Variants in DAAM1 observed in about 807,000 individuals in gnomAD.
The protein encoded by DAAM1 is dishevelled associated activator of morphogenesis 1.
In DAAM1, 52 loss-of-function variants were observed where a neutral mutation model predicts 130.0. The observed-to-expected ratio is 0.40, with a 90% CI of 0.32 to 0.50. The LOEUF (loss-of-function observed/expected upper bound fraction) is 0.50. DAAM1 is among the 20% of genes least tolerant of loss of function. DAAM1 has a pLI of 0.61. For missense variants in DAAM1, 1,134 were observed against 1,303.8 expected (o/e 0.87, Z 2.01); for synonymous variants, 452 against 444.5 (o/e 1.02, Z -0.21).
intron 2 of DAAM1, among the ~76,000 whole-genome samples, chr14:59,279,744 T>C (rs1057174644): frequency 4.6e-5 from 7 of 152,130 alleles, no homozygotes; most frequent in African/African-American, 1.7e-4. Context: ...AAATTAGACT[T>C]CATTAAAATT....
intron 15 of DAAM1, 49 bp downstream of exon 15, chr14:59,331,969 T>A: frequency 2.0e-6 from 3 of 1,495,724 alleles, no homozygotes; most frequent in Non-Finnish European, 2.8e-6. Context: ...AAATCATGTC[T>A]TATGCATGAT....
At chr14:59,202,633 G>C (rs1888141658) in intron 1 of DAAM1, among the ~76,000 whole-genome samples, 1 of 152,202 alleles carries the variant, frequency 6.6e-6, no homozygotes, top group South Asian at 2.1e-4. Context: ...CTTAAGTAAA[G>C]CTCAGATTAT....
chr14:59,273,204 C>T (rs73295988), intron 2 of DAAM1, among the ~76,000 whole-genome samples: 74 of 152,274 alleles, frequency 4.9e-4, no homozygotes, highest in African/African-American at 1.8e-3. Context: ...ACCATAAAAC[C>T]ATTTTGTTCC....
intron 1 of DAAM1, among the ~76,000 whole-genome samples, chr14:59,197,556 G>A (rs931161500): frequency 7.9e-5 from 12 of 152,210 alleles, no homozygotes; most frequent in Non-Finnish European, 1.5e-4. Flanking sequence ...CCCATTTAGG[G>A]CTTGAGATTC....
chr14:59,246,036 G>A (rs1881353107), intron 1 of DAAM1, among the ~76,000 whole-genome samples: 1 of 152,196 alleles, frequency 6.6e-6, no homozygotes, highest in Non-Finnish European at 1.5e-5. Context: ...TGCATTGAAA[G>A]TGCCTAGCAT....
intron 1 of DAAM1, among the ~76,000 whole-genome samples, chr14:59,253,936 C>A (rs1881757290): frequency 6.6e-6 from 1 of 152,236 alleles, no homozygotes; most frequent in Admixed American, 6.5e-5. Context: ...AACTTCGCAT[C>A]TCTCAAAATT....
rs367695369 is a variant in DAAM1 at position 59,262,701 on chromosome 14, A to G, written c.-37-740A>G. 5.8e-3 allele frequency among the ~76,000 whole-genome samples: 662 copies of G among 113,436 alleles called. 4 individuals are homozygous for G. Among genetic ancestry groups the G allele is most frequent in the Non-Finnish European group, 0.01 (539 of 51,788 alleles). The allele number at this position is 113,436 out of a possible 152,430, so 74.4% of individuals were successfully genotyped here. A position where few individuals can be genotyped will look rare whatever the true frequency, so the allele number is the denominator to read the frequency against. On this transcript the variant is annotated intron_variant, in intron 1 of 24. Transcript: ENST00000360909. The stretch of plus-strand genomic sequence containing the variant: ...GTGTGTGTGTGTGTGTGTGTGTGTA[A>G]TTTAACCATTTCCTTTCCTTGCTGG...
At chr14:59,212,309 G>GT (rs1409584599) in intron 1 of DAAM1, among the ~76,000 whole-genome samples, 3 of 151,950 alleles carry the variant, frequency 2.0e-5, no homozygotes, top group Non-Finnish European at 4.4e-5. Flanking sequence ...TTGTTTGTTT[G>GT]TTTTTTTAAA....
At chr14:59,352,399 G>A (rs1478492844) in intron 17 of DAAM1, 127 bp from the exon 18 acceptor site, 2 of 651,834 alleles carry the variant, frequency 3.1e-6, no homozygotes, top group South Asian at 2.4e-5. Context: ...CTTAACCTGT[G>A]AGCAGAGCTT....
At chr14:59,287,470 A>C (rs995757203) in intron 2 of DAAM1, among the ~76,000 whole-genome samples, 7 of 152,192 alleles carry the variant, frequency 4.6e-5, no homozygotes, top group African/African-American at 1.7e-4. Context: ...AAGGCTTCAA[A>C]ATAAGAGAGG....
In DAAM1 at chr14:59,344,968, C is replaced by A. The variant is rs11623673; in HGVS notation, c.2076-2571C>A. The stretch of plus-strand genomic sequence containing the variant: ...CAGAACTAATTTTTTTTTTTTCTTA[C>A]AAGCAGAGCTCTCCTCATGATTATA... On this transcript the variant is annotated intron_variant, in intron 16 of 24. Transcript: ENST00000360909. 6.4e-3 allele frequency among the ~76,000 whole-genome samples: 961 copies of A among 151,070 alleles called. 12 individuals carry two copies. The highest frequency in any genetic ancestry group is 0.021 in the African/African-American group (854 of 40,994).
intron 16 of DAAM1, among the ~76,000 whole-genome samples, chr14:59,341,280 C>G (rs761694992): frequency 1.6e-4 from 24 of 152,054 alleles, no homozygotes; most frequent in Non-Finnish European, 2.9e-4. Context: ...ATGGCCGTAC[C>G]CTGTGTTTAT....
At chr14:59,355,020 G>A (rs1037170085) in intron 19 of DAAM1, 145 bp from the exon 20 acceptor site, 3 of 1,105,810 alleles carry the variant, frequency 2.7e-6, no homozygotes, top group Admixed American at 2.7e-5. Flanking sequence ...CGTTTTGAAA[G>A]TGCTCTTGGT....
At chr14:59,357,769 C>G (rs1463888426) in intron 20 of DAAM1, among the ~76,000 whole-genome samples, 1 of 150,680 alleles carries the variant, frequency 6.6e-6, no homozygotes, top group Admixed American at 6.6e-5. Flanking sequence ...CAGAGCGAGA[C>G]TCCATCTCAA....
rs1260787657 is a variant in DAAM1, at chr14:59,324,332, A to G, written c.886-19A>G. On this transcript the variant is annotated intron_variant, in intron 7 of 24. Coordinates refer to ENST00000360909, the MANE Select transcript of DAAM1 (RefSeq NM_001270520.2). Reference sequence around the variant, plus strand: ...TCTAAAAACCACAAATATGTATTTTATTGCCATTTTACTTTCAGGAGAGTT... The same window carrying G: ...TCTAAAAACCACAAATATGTATTTTGTTGCCATTTTACTTTCAGGAGAGTT... The G allele has an allele frequency of 1.3e-6, 2 of 1,543,616 alleles. No homozygotes were observed. Among genetic ancestry groups the G allele is most frequent in the South Asian group, 1.3e-5 (1 of 74,178 alleles).
chr14:59,190,921 AC>A (rs1260356078), intron 1 of DAAM1, among the ~76,000 whole-genome samples: 1 of 152,230 alleles, frequency 6.6e-6, no homozygotes, highest in African/African-American at 2.4e-5. Flanking sequence ...TACTGTTTAT[AC>A]TACCACTACT....
chr14:59,287,661 C>A (rs947432226), intron 2 of DAAM1, among the ~76,000 whole-genome samples: 4 of 151,990 alleles, frequency 2.6e-5, no homozygotes, highest in Non-Finnish European at 5.9e-5. Flanking sequence ...ACATAAAGAA[C>A]AAAATTCCAC....
intron 1 of DAAM1, among the ~76,000 whole-genome samples, chr14:59,231,521 TA>T (rs1181822001): frequency 6.6e-5 from 10 of 152,288 alleles, no homozygotes; most frequent in African/African-American, 2.2e-4. Flanking sequence ...AACACGTTAT[TA>T]TTTTTTAAGG....
intron 1 of DAAM1, among the ~76,000 whole-genome samples, chr14:59,262,967 A>C (rs1882244367): frequency 1.3e-5 from 2 of 152,220 alleles, no homozygotes; most frequent in Admixed American, 6.5e-5. Context: ...GATCATGCTA[A>C]AGTGGATATA....
Sources: gnomAD v4.1 joint callset for allele counts (sites outside exome capture counted in the v4.1 genomes callset) on GRCh38, gnomAD v4.1.1 for gene constraint, MANE v1.5 for transcripts, NCBI Gene and HGNC (gene_info 2026-07-23, HGNC 2026-07-21) for gene names.